Variants in WHRN observed in about 807,000 individuals in gnomAD.
WHRN encodes CASK-interacting protein CIP98.
WHRN carries 41 observed loss-of-function variants against 68.3 expected under a neutral mutation model. That is an observed-to-expected ratio of 0.60 (90% CI 0.47 to 0.78). The LOEUF is 0.78. WHRN is among the 30% of genes least tolerant of loss of function. The pLI is 0.00. For synonymous variants in WHRN, 560 were observed against 561.3 expected (o/e 1.00, Z 0.03); for missense variants, 1,243 against 1,244.7 (o/e 1.00, Z 0.02).
At chr9:114,446,458 A>G (rs1838828190) in intron 3 of WHRN, among the ~76,000 whole-genome samples, 2 of 152,088 alleles carry the variant, frequency 1.3e-5, no homozygotes, top group South Asian at 4.1e-4. Context: ...TATCCTAAAA[A>G]CCACTGATTT....
At position 114,402,336 on chromosome 9, in the gene WHRN, C is replaced by A; in HGVS notation, c.*418G>T. ...GTGGCACTAAAGGTCTTGCAAGATG[C>A]CCCCTGACTGGGGGCCGTGTCCATG... On this transcript the variant is annotated 3_prime_UTR_variant, in exon 12 of 12. Transcript: ENST00000362057. 1 of 249,838 alleles carries A rather than the reference C, an allele frequency of 4.0e-6. No homozygotes were observed. The highest frequency in any genetic ancestry group is 5.0e-5 in the South Asian group (1 of 19,880). 15.5% of individuals were successfully genotyped at this position (249,838 alleles called of 1,614,324 possible). A position where few individuals can be genotyped will look rare whatever the true frequency, so the allele number is the denominator to read the frequency against.
rs114872789 is a variant in WHRN, at chr9:114,436,373, C to A, written c.964-9960G>T. Among the ~76,000 whole-genome samples the A allele has an allele frequency of 3.6e-3, 554 of 152,174 alleles. 1 individual carries two copies. The highest frequency in any genetic ancestry group is 0.013 in the African/African-American group (531 of 41,484). On this transcript the variant is annotated intron_variant, in intron 3 of 11. Transcript: ENST00000362057. ...AGTATGGACTAATAAAAATATTATCCATATTTGCTCATCAACTGTAACAAA... is the reference window on the plus strand; with the variant it reads ...AGTATGGACTAATAAAAATATTATCAATATTTGCTCATCAACTGTAACAAA...
chr9:114,478,664 G>T lies in WHRN; in HGVS notation c.726C>A (p.Arg242=). The T allele has an allele frequency of 6.2e-7, 1 of 1,613,390 alleles. No individual in the cohort carries two copies. Among genetic ancestry groups the T allele is most frequent in the Non-Finnish European group, 8.5e-7 (1 of 1,179,972 alleles). Residue 242 remains arginine (R), a synonymous_variant, in exon 2 of 12, where the codon CGC becomes CGA. Coordinates refer to ENST00000362057, the MANE Select transcript of WHRN (RefSeq NM_015404.4). ...HIYTWVDPQG[R]SISPPSGLPQ... is the part of the protein sequence containing the mutation. ...GCAGGCCCGAGGGTGGGGAGATGCTGCGGCCCTGCGGGTCCACCCAGGTGT... is the reference window on the plus strand; with the variant it reads ...GCAGGCCCGAGGGTGGGGAGATGCTTCGGCCCTGCGGGTCCACCCAGGTGT...
chr9:114,478,520 G>A, intron 2 of WHRN, 33 bp downstream of exon 2: 2 of 1,610,748 alleles, frequency 1.2e-6, no homozygotes, highest in Non-Finnish European at 1.7e-6. Flanking sequence ...TACGGTGTCT[G>A]AGAGGCTGGC....
At chr9:114,431,747 A>C (rs1837444213) in intron 3 of WHRN, among the ~76,000 whole-genome samples, 1 of 152,246 alleles carries the variant, frequency 6.6e-6, no homozygotes, top group Non-Finnish European at 1.5e-5. Flanking sequence ...GTTAGACGGC[A>C]CAGGAAAATA....
chr9:114,482,940 T>C (rs561911751), intron 1 of WHRN, among the ~76,000 whole-genome samples: 10 of 151,962 alleles, frequency 6.6e-5, no homozygotes, highest in Non-Finnish European at 1.3e-4. Context: ...AGCCCCAAGA[T>C]GGGAAGGGAA....
chr9:114,450,546 T>C (rs1394244242), intron 3 of WHRN, among the ~76,000 whole-genome samples: 1 of 152,210 alleles, frequency 6.6e-6, no homozygotes, highest in Non-Finnish European at 1.5e-5. Context: ...CTCATGCGGT[T>C]ACCTTACAAG....
chr9:114,436,473 G>A (rs1021311675), intron 3 of WHRN, among the ~76,000 whole-genome samples: 1 of 152,170 alleles, frequency 6.6e-6, no homozygotes, highest in Admixed American at 6.5e-5. Context: ...GGCAGAGGAG[G>A]TATAATGGGA....
chr9:114,498,444 T>C (rs1423910697), intron 1 of WHRN, among the ~76,000 whole-genome samples: 1 of 151,948 alleles, frequency 6.6e-6, no homozygotes, highest in Non-Finnish European at 1.5e-5. Context: ...TGGGTCTCTA[T>C]CCCCCAAGGA....
intron 8 of WHRN, 29 bp from the exon 9 acceptor site, chr9:114,406,921 G>T: frequency 6.4e-7 from 1 of 1,553,840 alleles, no homozygotes. Flanking sequence ...GGCGGAGAAG[G>T]AGTCAGACCC....
At chr9:114,408,799 G>A (rs1013712287) in intron 7 of WHRN, among the ~76,000 whole-genome samples, 4 of 152,226 alleles carry the variant, frequency 2.6e-5, no homozygotes, top group African/African-American at 9.6e-5. Flanking sequence ...CTGTGAGGGT[G>A]TTTCCAGGAG....
intron 3 of WHRN, among the ~76,000 whole-genome samples, chr9:114,448,823 C>T (rs1352522218): frequency 6.6e-6 from 1 of 152,184 alleles, no homozygotes; most frequent in East Asian, 1.9e-4. Flanking sequence ...GCTGCGGCTG[C>T]AGACATCATG....
chr9:114,504,458 T>C lies in WHRN; in HGVS notation c.344A>G (p.Tyr115Cys), dbSNP rs769011453. The C allele has an allele frequency of 1.5e-5, 24 of 1,607,380 alleles. No homozygotes were observed. ...CCTGTAGGGGGTGGTGGCGGGCAGG[T>C]AGAGGCCCTCGGCCGTGTATTGGTC... ...LFDQYTAEGL[Y>C]LPATTPYRQP... The change falls in exon 1 of 12, where the codon TAC becomes TGC. Residue 115 changes from tyrosine (Y) to cysteine (C), a missense_variant. Tyr to Cys is a radical substitution (Grantham distance 194). Transcript: ENST00000362057.
At chr9:114,435,288 A>G (rs1210788332) in intron 3 of WHRN, among the ~76,000 whole-genome samples, 1 of 152,210 alleles carries the variant, frequency 6.6e-6, no homozygotes, top group East Asian at 1.9e-4. Flanking sequence ...ATGAATAAAC[A>G]ATTAAATAAA....
chr9:114,471,126 C>T (rs983770992), intron 2 of WHRN, among the ~76,000 whole-genome samples: 1 of 152,150 alleles, frequency 6.6e-6, no homozygotes. Context: ...TGGCATGAAT[C>T]GGAATTCATC....
chr9:114,403,201 G>T lies in WHRN; in HGVS notation c.2541+16C>A. 1 of 1,614,052 alleles carries T rather than the reference G, an allele frequency of 6.2e-7. No homozygotes were observed. The highest frequency in any genetic ancestry group is 8.5e-7 in the Non-Finnish European group (1 of 1,179,894). On this transcript the variant is annotated intron_variant, in intron 11 of 11. Coordinates refer to ENST00000362057, the MANE Select transcript of WHRN (RefSeq NM_015404.4). Reference sequence around the variant, plus strand: ...GGGGTAGGGAGAGATGGCAAGTGGGGCCCCTGGGGACATACCTGAATAGTG... The same window carrying T: ...GGGGTAGGGAGAGATGGCAAGTGGGTCCCCTGGGGACATACCTGAATAGTG...
At chr9:114,467,449 G>T (rs1255469299) in intron 2 of WHRN, among the ~76,000 whole-genome samples, 3 of 146,606 alleles carry the variant, frequency 2.0e-5, no homozygotes, top group East Asian at 1.9e-4. Context: ...TGACTGGCGT[G>T]GGGGGGTGCT....
intron 2 of WHRN, among the ~76,000 whole-genome samples, chr9:114,468,668 C>T (rs780161894): frequency 6.6e-6 from 1 of 152,000 alleles, no homozygotes; most frequent in Non-Finnish European, 1.5e-5. Context: ...AGAATGACCA[C>T]ATTAGTAAGG....
At chr9:114,421,252 C>A (rs1046316690) in intron 7 of WHRN, among the ~76,000 whole-genome samples, 1 of 152,242 alleles carries the variant, frequency 6.6e-6, no homozygotes, top group East Asian at 1.9e-4. Flanking sequence ...GGGATCTGGA[C>A]TGGCCCCAGA....
Sources: allele counts gnomAD v4.1 joint callset (sites outside exome capture counted in the v4.1 genomes callset), GRCh38; gene constraint gnomAD v4.1.1; transcripts MANE v1.5; gene names NCBI Gene and HGNC (gene_info 2026-07-23, HGNC 2026-07-21).